Variants in PIP5K1B observed in about 807,000 individuals in gnomAD.
PIP5K1B encodes the protein phosphatidylinositol 4-phosphate 5-kinase type-1 beta.
PIP5K1B carries 42 observed loss-of-function variants against 67.0 expected under a neutral mutation model. The ratio of observed to expected loss-of-function variants is 0.63; its 90% CI spans 0.49 to 0.81. PIP5K1B has a LOEUF of 0.81. PIP5K1B is among the 30% of genes least tolerant of loss of function. PIP5K1B has a pLI of 0.00. For missense variants in PIP5K1B, 459 were observed against 646.3 expected, an observed-to-expected ratio of 0.71 and a Z score of 3.14; for synonymous variants, 214 against 231.4, an observed-to-expected ratio of 0.92 and a Z score of 0.68.
At chr9:68,853,704 G>C (rs146421723) in intron 4 of PIP5K1B, among the ~76,000 whole-genome samples, 81 of 152,272 alleles carry the variant, frequency 5.3e-4, no homozygotes, top group African/African-American at 1.9e-3. Flanking sequence ...GGTCACCCCA[G>C]TCCTGTCTAT....
chr9:68,900,578 T>C (rs1825309026), intron 8 of PIP5K1B, among the ~76,000 whole-genome samples: 1 of 152,202 alleles, frequency 6.6e-6, no homozygotes, highest in African/African-American at 2.4e-5. Flanking sequence ...GGGAAATGAC[T>C]TTGAGACAAA....
chr9:68,921,349 C>G (rs941183747), intron 11 of PIP5K1B, among the ~76,000 whole-genome samples: 2 of 151,816 alleles, frequency 1.3e-5, no homozygotes, highest in African/African-American at 2.4e-5. Flanking sequence ...TTACTGAGAT[C>G]AAAAATTCCT....
chr9:68,855,030 C>T (rs1421984557), intron 4 of PIP5K1B, among the ~76,000 whole-genome samples: 1 of 152,084 alleles, frequency 6.6e-6, no homozygotes, highest in Non-Finnish European at 1.5e-5. Flanking sequence ...GTCAAATATG[C>T]TAGATCCAGA....
intron 8 of PIP5K1B, among the ~76,000 whole-genome samples, chr9:68,895,265 TAAA>T (rs11342436): frequency 9.9e-5 from 12 of 121,106 alleles, no homozygotes; most frequent in South Asian, 2.7e-4. Flanking sequence ...TGCAATGCTT[TAAA>T]AAAAAAAAAA....
At chr9:69,001,072 T>TTTTTA (rs1413658988) in intron 15 of PIP5K1B, among the ~76,000 whole-genome samples, 2 of 151,668 alleles carry the variant, frequency 1.3e-5, no homozygotes, top group Non-Finnish European at 2.9e-5. Context: ...CTAATTTTTA[T>TTTTTA]TTTTATTTTT....
intron 2 of PIP5K1B, among the ~76,000 whole-genome samples, chr9:68,753,771 G>T (rs750647398): frequency 1.3e-5 from 2 of 151,908 alleles, no homozygotes; most frequent in Non-Finnish European, 2.9e-5. Flanking sequence ...TGATCTGCCC[G>T]CCTCGGCCTC....
intron 4 of PIP5K1B, among the ~76,000 whole-genome samples, chr9:68,845,506 G>A (rs1387609918): frequency 1.3e-5 from 2 of 152,098 alleles, no homozygotes; most frequent in African/African-American, 2.4e-5. Context: ...CCTGGCCTCC[G>A]GGAACAGGAG....
At chr9:68,905,397 A>G (rs1439577831) in intron 8 of PIP5K1B, among the ~76,000 whole-genome samples, 1 of 152,086 alleles carries the variant, frequency 6.6e-6, no homozygotes, top group Non-Finnish European at 1.5e-5. Flanking sequence ...ACAGATCATG[A>G]TGCAAAACAG....
chr9:68,825,829 C>G (rs1833949807), intron 4 of PIP5K1B, among the ~76,000 whole-genome samples: 1 of 152,168 alleles, frequency 6.6e-6, no homozygotes, highest in South Asian at 2.1e-4. Context: ...AATTAAGCAG[C>G]AGGTTTAGGC....
chr9:68,812,761 T>C (rs1159721533), intron 2 of PIP5K1B, among the ~76,000 whole-genome samples: 1 of 152,258 alleles, frequency 6.6e-6, no homozygotes, highest in Non-Finnish European at 1.5e-5. Flanking sequence ...ATATGCAGCC[T>C]GTTCATTCCT....
At chr9:68,939,901 G>C (rs939245846) in intron 13 of PIP5K1B, among the ~76,000 whole-genome samples, 2 of 152,152 alleles carry the variant, frequency 1.3e-5, no homozygotes, top group Admixed American at 6.5e-5. Context: ...ATCTATTTTA[G>C]GTCAGTCTTG....
chr9:68,886,044 G>A (rs756912761), intron 6 of PIP5K1B, among the ~76,000 whole-genome samples: 43 of 152,092 alleles, frequency 2.8e-4, no homozygotes, highest in Non-Finnish European at 5.0e-4. Flanking sequence ...AGCTGGGCAT[G>A]TAGTGGGCGC....
At chr9:68,788,194 A>C in intron 2 of PIP5K1B, 2 of 316,600 alleles carry the variant, frequency 6.3e-6, no homozygotes, top group Non-Finnish European at 1.2e-5. Flanking sequence ...CTAAGGGGAA[A>C]AAGGAATGTG....
At chr9:68,797,609 A>G (rs1312542142) in intron 2 of PIP5K1B, among the ~76,000 whole-genome samples, 1 of 152,230 alleles carries the variant, frequency 6.6e-6, no homozygotes, top group Non-Finnish European at 1.5e-5. Context: ...GACATGGCTT[A>G]TTAAGGAGTT....
intron 14 of PIP5K1B, among the ~76,000 whole-genome samples, chr9:68,988,749 C>G (rs936770649): frequency 1.9e-4 from 29 of 152,058 alleles, no homozygotes; most frequent in African/African-American, 6.3e-4. Flanking sequence ...CCGCGCCCAG[C>G]CTCTTTATGA....
intron 4 of PIP5K1B, among the ~76,000 whole-genome samples, chr9:68,832,124 AAAAC>A (rs1370084461): frequency 6.6e-6 from 1 of 152,248 alleles, no homozygotes; most frequent in Admixed American, 6.5e-5. Flanking sequence ...TTTAAAGTGA[AAAAC>A]AAAAAAATCC....
chr9:68,769,767 T>C (rs1392975896), intron 2 of PIP5K1B, among the ~76,000 whole-genome samples: 1 of 152,252 alleles, frequency 6.6e-6, no homozygotes, highest in East Asian at 1.9e-4. Context: ...AAGGAAATTC[T>C]GTCCTCAAGA....
intron 15 of PIP5K1B, among the ~76,000 whole-genome samples, chr9:69,002,845 T>C (rs999243662): frequency 9.2e-5 from 14 of 152,076 alleles, no homozygotes; most frequent in African/African-American, 2.7e-4. Context: ...TAGCTGGGCA[T>C]GGAGGCGCAT....
At chr9:68,990,382 T>A (rs2132950671) in intron 14 of PIP5K1B, among the ~76,000 whole-genome samples, 1 of 151,616 alleles carries the variant, frequency 6.6e-6, no homozygotes, top group South Asian at 2.1e-4. Context: ...GAACCACTGA[T>A]GTAATTGAAA....
Sources: allele counts gnomAD v4.1 joint callset (sites outside exome capture counted in the v4.1 genomes callset), GRCh38; gene constraint gnomAD v4.1.1; transcripts MANE v1.5; gene names NCBI Gene and HGNC (gene_info 2026-07-23, HGNC 2026-07-21).